SPECC1L: variants seen among roughly 807,000 people sequenced by gnomAD.
The protein encoded by SPECC1L is sperm antigen with calponin homology and coiled-coil domains 1 like, also known as cytospin-A.
Under a neutral mutation model 116.8 loss-of-function variants are expected in SPECC1L, and 40 were observed. The ratio of observed to expected loss-of-function variants is 0.34; its 90% CI spans 0.27 to 0.45. SPECC1L has a LOEUF of 0.45. Ranked by LOEUF, SPECC1L falls within the 20% of genes least tolerant of loss-of-function variation. The pLI is 1.00. For missense variants in SPECC1L, 1,110 were observed against 1,373.6 expected (o/e 0.81, Z 3.03); for synonymous variants, 504 against 500.6 (o/e 1.01, Z -0.09).
Position 24,341,548 on chromosome 22 carries a change from A to C in SPECC1L, c.2652+3071A>C, listed in dbSNP as rs894079946. 2.6e-5 allele frequency among the ~76,000 whole-genome samples: 4 copies of C among 152,232 alleles called. No homozygotes were observed. In the East Asian group the frequency reaches 5.8e-4, roughly 22 times the overall value. On this transcript the variant is annotated intron_variant, in intron 10 of 16. Transcript: ENST00000314328. ...TCTGCCGTAAAAGATCTTTAAAAAT[A>C]AGATGCAGAAGGACCAAGGAGATCC...
intron 14 of SPECC1L, among the ~76,000 whole-genome samples, chr22:24,377,281 T>TG (rs1190675064): frequency 1.3e-5 from 2 of 152,082 alleles, no homozygotes; most frequent in Non-Finnish European, 2.9e-5. Flanking sequence ...CTTACACTTT[T>TG]GGGGGGGTTA....
At chr22:24,353,135 T>A (rs933192212) in intron 11 of SPECC1L, among the ~76,000 whole-genome samples, 1 of 152,188 alleles carries the variant, frequency 6.6e-6, no homozygotes, top group Non-Finnish European at 1.5e-5. Context: ...TTACAAAAAG[T>A]AAGAAATTAA....
chr22:24,393,181 T>C (rs2042303974), intron 14 of SPECC1L, among the ~76,000 whole-genome samples: 1 of 152,256 alleles, frequency 6.6e-6, no homozygotes, highest in African/African-American at 2.4e-5. Flanking sequence ...ACTGCTGTGG[T>C]CATTTTTGGA....
At chr22:24,378,744 G>T (rs1324784934) in intron 14 of SPECC1L, among the ~76,000 whole-genome samples, 6 of 152,148 alleles carry the variant, frequency 3.9e-5, no homozygotes, top group Non-Finnish European at 7.3e-5. Context: ...GAACTTTATA[G>T]ATTAAGTTCA....
chr22:24,325,162 G>A (rs918220614), intron 6 of SPECC1L, among the ~76,000 whole-genome samples: 3 of 152,198 alleles, frequency 2.0e-5, no homozygotes, highest in African/African-American at 7.2e-5. Flanking sequence ...GAAGATCATA[G>A]TAGTAGTTCT....
At chr22:24,279,193 G>A (rs1470849902) in intron 2 of SPECC1L, among the ~76,000 whole-genome samples, 2 of 152,128 alleles carry the variant, frequency 1.3e-5, no homozygotes, top group Non-Finnish European at 2.9e-5. Context: ...GCTTTAAATT[G>A]TTGACGCTAT....
chr22:24,322,971 C>T, intron 5 of SPECC1L, 53 bp downstream of exon 5: 1 of 1,606,996 alleles, frequency 6.2e-7, no homozygotes, highest in Non-Finnish European at 8.5e-7. Flanking sequence ...AGCTGCCATG[C>T]ACAGTGTTTA....
chr22:24,409,663 A>G (rs751899779), intron 14 of SPECC1L, among the ~76,000 whole-genome samples: 4 of 152,194 alleles, frequency 2.6e-5, no homozygotes, highest in Non-Finnish European at 4.4e-5. Flanking sequence ...TTAAAAAGTA[A>G]TAATAAAAAA....
At chr22:24,332,371 TA>T (rs2040955158) in intron 8 of SPECC1L, among the ~76,000 whole-genome samples, 1 of 152,248 alleles carries the variant, frequency 6.6e-6, no homozygotes, top group East Asian at 1.9e-4. Context: ...GTATTTTCCT[TA>T]CAGCCAGTCT....
chr22:24,327,285 A>ACAAAC (rs1435340284), intron 6 of SPECC1L, among the ~76,000 whole-genome samples: 123 of 144,942 alleles, frequency 8.5e-4, no homozygotes, highest in African/African-American at 3.1e-3. Flanking sequence ...CTCAAAAAAA[A>ACAAAC]AAAAAAAAAA....
intron 14 of SPECC1L, among the ~76,000 whole-genome samples, chr22:24,408,802 C>T (rs558762617): frequency 3.3e-5 from 5 of 152,358 alleles, no homozygotes; most frequent in South Asian, 2.1e-4. Context: ...GTTCTGGGCA[C>T]GTGCAGTCAG....
chr22:24,337,167 T>C lies in SPECC1L; in HGVS notation c.2561-1219T>C, dbSNP rs369867315. ...TAGCAGCTCTGCTCACAATAGCTAA[T>C]AGATGGAAGTAACCCAAGTATCCAT... On this transcript the variant is annotated intron_variant, in intron 9 of 16. Transcript: ENST00000314328. Among the ~76,000 whole-genome samples the C allele has an allele frequency of 1.8e-4, 27 of 152,254 alleles. 1 individual carries two copies. Among genetic ancestry groups the C allele is most frequent in the Admixed American group, 1.2e-3 (19 of 15,290 alleles).
chr22:24,409,629 G>T (rs1569451050), intron 14 of SPECC1L, among the ~76,000 whole-genome samples: 1 of 152,132 alleles, frequency 6.6e-6, no homozygotes, highest in Non-Finnish European at 1.5e-5. Context: ...CTCCAGCCTG[G>T]AGACAAAGTG....
chr22:24,365,579 C>T lies in SPECC1L; in HGVS notation c.2931C>T (p.Ser977=). The T allele has an allele frequency of 6.2e-7, 1 of 1,614,172 alleles. No homozygotes were observed. Among genetic ancestry groups the T allele is most frequent in the Non-Finnish European group, 8.5e-7 (1 of 1,180,024 alleles). The part of the protein sequence containing the change: ...MAMGTTSPQL[S]LSSSPTASVT... ...TGGGAACCACGTCTCCACAGCTTTC[C>T]CTGTCCTCTTCTCCAACGGCATCTG... Residue 977 remains serine, a synonymous_variant, in exon 13 of 17, where the codon TCC becomes TCT. Transcript: ENST00000314328.
At chr22:24,356,209 G>T (rs1176961514) in intron 11 of SPECC1L, among the ~76,000 whole-genome samples, 1 of 151,824 alleles carries the variant, frequency 6.6e-6, no homozygotes, top group Non-Finnish European at 1.5e-5. Flanking sequence ...TTCAAGTCTG[G>T]GTCTTCTGTA....
In SPECC1L at chr22:24,347,179, A is replaced by T. The variant is rs1464451775; in HGVS notation, c.2743+3A>T. The T allele has an allele frequency of 5.0e-6, 8 of 1,608,142 alleles. No homozygotes were observed. In the East Asian group the frequency reaches 1.8e-4, roughly 36 times the overall value. ...CTATGGGGAAATCCCTGTTCAAGGT[A>T]CGTGTAATATGCCATAGCATTTCAC... On this transcript the variant is annotated splice_donor_region_variant and intron_variant, in intron 11 of 16. Transcript: ENST00000314328.
intron 11 of SPECC1L, among the ~76,000 whole-genome samples, chr22:24,350,769 CCTT>C (rs939927947): frequency 1.3e-5 from 2 of 152,174 alleles, no homozygotes; most frequent in African/African-American, 2.4e-5. Flanking sequence ...AGCCTTTTGA[CCTT>C]CTTCAGTCTG....
At chr22:24,317,509 C>T (rs1406514639) in intron 4 of SPECC1L, among the ~76,000 whole-genome samples, 15 of 128,196 alleles carry the variant, frequency 1.2e-4, no homozygotes, top group African/African-American at 3.8e-4. Flanking sequence ...CCCTCCCGGA[C>T]GGGGCGGCTG....
intron 11 of SPECC1L, among the ~76,000 whole-genome samples, chr22:24,355,281 CAAAAAAAA>C (rs751981921): frequency 1.8e-5 from 1 of 56,026 alleles, no homozygotes; most frequent in Admixed American, 2.0e-4. Flanking sequence ...GACTCCATCT[CAAAAAAAA>C]AAAAAAAAAA....
Sources: gnomAD v4.1 joint callset for allele counts (sites outside exome capture counted in the v4.1 genomes callset) on GRCh38, gnomAD v4.1.1 for gene constraint, MANE v1.5 for transcripts, NCBI Gene and HGNC (gene_info 2026-07-23, HGNC 2026-07-21) for gene names.